MCM9: variants seen among roughly 807,000 people sequenced by gnomAD.
MCM9 encodes the protein minichromosome maintenance 9 homologous recombination repair factor.
A neutral mutation model predicts 72.8 loss-of-function variants in MCM9; 55 were observed. The ratio of observed to expected loss-of-function variants is 0.76; its 90% CI spans 0.61 to 0.95. The LOEUF (loss-of-function observed/expected upper bound fraction) is 0.95, where lower values mean the gene tolerates loss of function less well. Ranked by LOEUF, MCM9 falls within the 40% of genes least tolerant of loss-of-function variation. The pLI, the probability that MCM9 is intolerant of heterozygous loss-of-function variation, is 0.00. For synonymous variants in MCM9, 480 were observed against 503.4 expected (o/e 0.95, Z 0.62); for missense variants, 1,279 against 1,377.0 (o/e 0.93, Z 1.13).
chr6:118,925,718 G>GCAT (rs913699466), intron 3 of MCM9, among the ~76,000 whole-genome samples: 8 of 152,066 alleles, frequency 5.3e-5, no homozygotes, highest in Non-Finnish European at 1.0e-4. Context: ...AATTCAGATT[G>GCAT]CATCACATTT....
intron 8 of MCM9, among the ~76,000 whole-genome samples, chr6:118,869,906 G>A (rs1324662185): frequency 6.6e-6 from 1 of 152,076 alleles, no homozygotes; most frequent in Admixed American, 6.6e-5. Flanking sequence ...AAGAGACAAA[G>A]AACATCATTA....
At chr6:118,833,999 T>C (rs1196545152) in intron 9 of MCM9, among the ~76,000 whole-genome samples, 1 of 152,124 alleles carries the variant, frequency 6.6e-6, no homozygotes. Context: ...CTACATTAGG[T>C]ATTTCTCCTA....
chr6:118,826,050 T>C, intron 13 of MCM9, 97 bp downstream of exon 13: 2 of 1,331,086 alleles, frequency 1.5e-6, no homozygotes, highest in African/African-American at 1.5e-5. Flanking sequence ...CAACACCTGA[T>C]AGATAGATTT....
chr6:118,931,568 C>T lies in MCM9; in HGVS notation c.156G>A (p.Met52Ile). 6.2e-7 allele frequency: 1 copy of T among 1,614,120 alleles called. No homozygotes were observed. The highest frequency in any genetic ancestry group is 8.5e-7 in the Non-Finnish European group (1 of 1,180,022). Residue 52 changes from methionine (M) to isoleucine (I), a missense_variant, in exon 3 of 14, where the codon ATG becomes ATA. Met to Ile is a conservative substitution (Grantham distance 10). Transcript: ENST00000619706. ...VNAMTLFETN[M>I]EIGEYFNMFP... ...ACATGTTGAAATATTCCCCGATTTC[C>T]ATGTTGGTCTCAAACAGAGTCATGG...
At chr6:118,821,291 C>T (rs1030277969) in intron 13 of MCM9, among the ~76,000 whole-genome samples, 3 of 151,980 alleles carry the variant, frequency 2.0e-5, no homozygotes, top group African/African-American at 7.3e-5. Flanking sequence ...TTAGTGCTTC[C>T]TTCAGGAGCT....
In MCM9 at chr6:118,922,810, T is replaced by A. The variant is rs1016471681; in HGVS notation, c.622-724A>T. 3.9e-5 allele frequency among the ~76,000 whole-genome samples: 6 copies of A among 152,004 alleles called. No homozygotes were observed. In the East Asian group the frequency reaches 1.2e-3, roughly 29 times the overall value. On this transcript the variant is annotated intron_variant, in intron 4 of 13. Coordinates refer to ENST00000619706, the MANE Select transcript of MCM9 (RefSeq NM_017696.3). Reference sequence around the variant, plus strand: ...ACTTTGGGAGGCCGAGGTGGGTGGATCACCTGAGGTTAGAGGGTTTGAGAC... The same window carrying A: ...ACTTTGGGAGGCCGAGGTGGGTGGAACACCTGAGGTTAGAGGGTTTGAGAC...
chr6:118,822,923 C>T (rs1390305522), intron 13 of MCM9, among the ~76,000 whole-genome samples: 2 of 152,094 alleles, frequency 1.3e-5, no homozygotes, highest in Non-Finnish European at 2.9e-5. Context: ...AGAGGAAAAC[C>T]GCCTACTCAA....
Position 118,922,091 on chromosome 6 carries a change from C to G in MCM9, c.622-5G>C. The G allele has an allele frequency of 6.2e-7, 1 of 1,603,440 alleles. No individual in the cohort carries two copies. The highest frequency in any genetic ancestry group is 8.5e-7 in the Non-Finnish European group (1 of 1,175,688). Reference sequence around the variant, plus strand: ...TCCAACAGATAGCCTTTGAACCTAGCAAAGAAAAGAAAACAGATTCTGAGT... The same window carrying G: ...TCCAACAGATAGCCTTTGAACCTAGGAAAGAAAAGAAAACAGATTCTGAGT... On this transcript the variant is annotated splice_region_variant and splice_polypyrimidine_tract_variant and intron_variant, in intron 4 of 13. Transcript: ENST00000619706.
Position 118,813,617 on chromosome 6 carries a change from C to T in MCM9, c.*1207G>A, listed in dbSNP as rs1049162766. The stretch of plus-strand genomic sequence containing the variant: ...ATTCTATGTCCAAAAGTCCCTCTGA[C>T]AATTAAACAATCAGTTTACAAATTC... On this transcript the variant is annotated 3_prime_UTR_variant, in exon 14 of 14. Transcript: ENST00000619706. 1.3e-5 allele frequency: 2 copies of T among 152,172 alleles called. No homozygotes were observed. The highest frequency in any genetic ancestry group is 2.9e-5 in the Non-Finnish European group (2 of 68,032). The allele number at this position is 152,172 out of a possible 1,614,324, so 9.4% of individuals were successfully genotyped here.
At chr6:118,926,490 T>C (rs1358968226) in intron 3 of MCM9, among the ~76,000 whole-genome samples, 1 of 152,214 alleles carries the variant, frequency 6.6e-6, no homozygotes, top group African/African-American at 2.4e-5. Flanking sequence ...ACTCATAAAG[T>C]CAAAAAATGT....
At chr6:118,858,218 A>T (rs892008952) in intron 8 of MCM9, among the ~76,000 whole-genome samples, 1 of 152,164 alleles carries the variant, frequency 6.6e-6, no homozygotes, top group Non-Finnish European at 1.5e-5. Flanking sequence ...TTCGAAAATT[A>T]ATCAGTGTAA....
chr6:118,866,605 A>AC (rs1777235419), intron 8 of MCM9, among the ~76,000 whole-genome samples: 1 of 152,222 alleles, frequency 6.6e-6, no homozygotes, highest in Non-Finnish European at 1.5e-5. Flanking sequence ...AGATTGGTTA[A>AC]CTTGAGACAG....
At chr6:118,934,430 GGA>G (rs1387305312) in intron 1 of MCM9, 1 of 152,160 alleles carries the variant, frequency 6.6e-6, no homozygotes, top group Non-Finnish European at 1.5e-5. Flanking sequence ...AAAGAAGACA[GGA>G]GAGTGCCTAA....
intron 8 of MCM9, among the ~76,000 whole-genome samples, chr6:118,869,599 C>CAAAAAAAAAAAAAAAAAAAA: frequency 3.4e-5 from 2 of 58,296 alleles, no homozygotes; most frequent in African/African-American, 5.9e-5. Context: ...AAAGGATTTA[C>CAAAAAAAAAAAAAAAAAAAA]AAAAAAAAAA....
chr6:118,843,692 A>ATATATGTG (rs1464258046), intron 9 of MCM9, among the ~76,000 whole-genome samples: 1 of 63,792 alleles, frequency 1.6e-5, no homozygotes, highest in Non-Finnish European at 2.8e-5. Flanking sequence ...ATATGTGTAT[A>ATATATGTG]TATATATATA....
intron 8 of MCM9, among the ~76,000 whole-genome samples, chr6:118,880,504 T>C (rs1778220224): frequency 6.6e-6 from 1 of 152,234 alleles, no homozygotes; most frequent in Non-Finnish European, 1.5e-5. Flanking sequence ...GAAAGGACTT[T>C]CAGCCATTTC....
intron 9 of MCM9, among the ~76,000 whole-genome samples, chr6:118,845,894 T>A (rs1348789263): frequency 1.3e-5 from 2 of 151,882 alleles, no homozygotes; most frequent in Non-Finnish European, 2.9e-5. Flanking sequence ...TTCCTTGTAC[T>A]AATTTTAAAT....
chr6:118,842,711 G>C (rs1259797803), intron 9 of MCM9, among the ~76,000 whole-genome samples: 1 of 151,970 alleles, frequency 6.6e-6, no homozygotes, highest in Non-Finnish European at 1.5e-5. Flanking sequence ...GAAGAAAAGG[G>C]GTCTCATTAT....
At chr6:118,877,441 G>T (rs1778006615) in intron 8 of MCM9, among the ~76,000 whole-genome samples, 1 of 152,136 alleles carries the variant, frequency 6.6e-6, no homozygotes, top group Non-Finnish European at 1.5e-5. Flanking sequence ...CACATGAAAA[G>T]GTGCTCAACC....
Sources: allele counts gnomAD v4.1 joint callset (sites outside exome capture counted in the v4.1 genomes callset), GRCh38; gene constraint gnomAD v4.1.1; transcripts MANE v1.5; gene names NCBI Gene and HGNC (gene_info 2026-07-23, HGNC 2026-07-21).